The following HDAC8 variants were observed in gnomAD, a reference collection of about 807,000 sequenced individuals.
The protein encoded by HDAC8 is histone deacetylase 8.
Under a neutral mutation model 32.2 loss-of-function variants are expected in HDAC8, and 1 was observed. The ratio of observed to expected loss-of-function variants is 0.03; its 90% CI spans 0.01 to 0.15. The LOEUF is 0.15. Among genes scored for constraint, HDAC8 ranks in the 10% least tolerant of loss-of-function variants. HDAC8 has a pLI of 1.00. For synonymous variants in HDAC8, 108 were observed against 113.9 expected (o/e 0.95, Z 0.33); for missense variants, 117 against 300.0 (o/e 0.39, Z 4.51).
rs1444213713 is a variant in HDAC8 at position 72,413,614 on chromosome X, C to A, written c.1005+48390G>T. 8.1e-5 allele frequency among the ~76,000 whole-genome samples: 9 copies of A among 110,768 alleles called. No individual in the cohort carries two copies. In the East Asian group the frequency reaches 1.4e-3, roughly 18 times the overall value. The stretch of plus-strand genomic sequence containing the variant: ...TAATCCCCACGTGTAATGGGAGGGA[C>A]CTGGTGGGAGGTAATTGAATCATGG... On this transcript the variant is annotated intron_variant, in intron 9 of 10. Coordinates refer to ENST00000373573, the MANE Select transcript of HDAC8 (RefSeq NM_018486.3).
At chrX:72,487,731 T>TA (rs782775030) in intron 7 of HDAC8, among the ~76,000 whole-genome samples, 3,972 of 75,014 alleles carry the variant, frequency 0.053, 124 homozygotes, top group African/African-American at 0.11. Context: ...TCTGTTATGG[T>TA]AAAAAAAAAA....
intron 7 of HDAC8, chrX:72,467,594 C>T (rs1464373456): frequency 7.0e-6 from 1 of 142,919 alleles, no homozygotes; most frequent in Non-Finnish European, 1.3e-5. Flanking sequence ...CTATATATGC[C>T]CGGCAGGCTA....
At chrX:72,343,787 C>G (rs782158717) in intron 10 of HDAC8, among the ~76,000 whole-genome samples, 1 of 112,394 alleles carries the variant, frequency 8.9e-6, no homozygotes, top group East Asian at 2.8e-4. Context: ...ACTATCAGCC[C>G]ACATCACTGT....
At chrX:72,538,185 CTTTTTTTT>C (rs782378380) in intron 4 of HDAC8, among the ~76,000 whole-genome samples, 2 of 95,566 alleles carry the variant, frequency 2.1e-5, no homozygotes, top group Non-Finnish European at 4.3e-5. Context: ...TTTTGTTTTT[CTTTTTTTT>C]TTTTTTTGGA....
intron 9 of HDAC8, among the ~76,000 whole-genome samples, chrX:72,383,564 A>G (rs1454328325): frequency 8.9e-6 from 1 of 112,124 alleles, no homozygotes; most frequent in African/African-American, 3.2e-5. Context: ...TTGTGAATCC[A>G]CAGGCTTTAT....
chrX:72,544,088 G>C (rs1347907954), intron 4 of HDAC8, among the ~76,000 whole-genome samples: 1 of 112,348 alleles, frequency 8.9e-6, no homozygotes, highest in Non-Finnish European at 1.9e-5. Context: ...GGATGGGTGC[G>C]AGTATGCCCT....
At chrX:72,363,602 T>C (rs1488008475) in intron 9 of HDAC8, among the ~76,000 whole-genome samples, 1 of 110,781 alleles carries the variant, frequency 9.0e-6, no homozygotes, top group Non-Finnish European at 1.9e-5. Context: ...GATGGAGTCT[T>C]ACTCTGTCAC....
chrX:72,509,400 C>A (rs781949257), intron 4 of HDAC8, among the ~76,000 whole-genome samples: 20 of 111,589 alleles, frequency 1.8e-4, no homozygotes, highest in Non-Finnish European at 3.2e-4. Flanking sequence ...TTAGTCACCC[C>A]GCCCGGCCTC....
intron 4 of HDAC8, among the ~76,000 whole-genome samples, chrX:72,562,466 G>GA (rs1255571099): frequency 9.0e-6 from 1 of 111,539 alleles, no homozygotes; most frequent in African/African-American, 3.3e-5. Flanking sequence ...CATTCATGTG[G>GA]AAGATGAGCT....
chrX:72,570,674 A>ATAAAATC (rs1157583243), intron 2 of HDAC8, among the ~76,000 whole-genome samples: 1 of 110,884 alleles, frequency 9.0e-6, no homozygotes, highest in Admixed American at 9.5e-5. Context: ...AATAATAAGG[A>ATAAAATC]TAAAATCTGA....
rs1181735199 is a variant in HDAC8 at position 72,372,408 on chromosome X, A to C, written c.1006-20570T>G. On this transcript the variant is annotated intron_variant, in intron 9 of 10. Coordinates refer to ENST00000373573, the MANE Select transcript of HDAC8 (RefSeq NM_018486.3). ...TCAGGATAGAGAGTATGTCTTTTTT[A>C]TCTCTATATAGCACGGGGCCTAGAA... is the stretch of plus-strand genomic sequence containing the variant. Among the ~76,000 whole-genome samples the C allele has an allele frequency of 9.9e-5, 11 of 110,957 alleles. No homozygotes were observed. The Admixed American group carries it at 1.1e-3, about 11-fold the overall frequency.
intron 4 of HDAC8, among the ~76,000 whole-genome samples, chrX:72,525,638 C>T (rs2147385154): frequency 9.2e-6 from 1 of 108,192 alleles, no homozygotes; most frequent in South Asian, 4.2e-4. Context: ...ACGGTGAAAC[C>T]CCGTCACTAC....
chrX:72,444,172 C>T (rs1465215478), intron 9 of HDAC8, among the ~76,000 whole-genome samples: 1 of 101,842 alleles, frequency 9.8e-6, no homozygotes, highest in African/African-American at 3.7e-5. Flanking sequence ...GGGAATCCTC[C>T]CTAACTCATT....
At chrX:72,494,687 C>T (rs933051552) in intron 5 of HDAC8, among the ~76,000 whole-genome samples, 1 of 111,689 alleles carries the variant, frequency 9.0e-6, no homozygotes, top group African/African-American at 3.3e-5. Context: ...AATATTTTAG[C>T]AATACAAAGA....
rs782419329 is a variant in HDAC8, at chrX:72,446,679, G to C, written c.1005+15325C>G. Among the ~76,000 whole-genome samples the C allele has an allele frequency of 7.3e-5, 8 of 110,047 alleles. No individual in the cohort carries two copies. The East Asian group carries it at 2.3e-3, about 31-fold the overall frequency. On this transcript the variant is annotated intron_variant, in intron 9 of 10. Transcript: ENST00000373573. ...GTGCACATGTACCCTAAAACTTAAA[G>C]TTTAATAAAAAAGAGACTAATAAAG...
intron 9 of HDAC8, among the ~76,000 whole-genome samples, chrX:72,367,370 G>A (rs1485220515): frequency 8.9e-6 from 1 of 112,095 alleles, no homozygotes; most frequent in Non-Finnish European, 1.9e-5. Flanking sequence ...CAGGGGCCTG[G>A]TTTCCACCAA....
chrX:72,393,918 C>T (rs1246423654), intron 9 of HDAC8, among the ~76,000 whole-genome samples: 6 of 110,860 alleles, frequency 5.4e-5, no homozygotes, highest in Admixed American at 9.6e-5. Flanking sequence ...AGGTACTAAC[C>T]AGAGGTAGAA....
chrX:72,572,827 C>G lies in HDAC8; in HGVS notation c.-66G>C. On this transcript the variant is annotated 5_prime_UTR_variant, in exon 1 of 11. Transcript: ENST00000373573. The stretch of plus-strand genomic sequence containing the variant: ...GCTTTTTTCGGACTCGGCCAGGGTT[C>G]CAGTTCCTGCTCCTCTGATCGGCCG... 1.1e-6 allele frequency: 1 copy of G among 904,218 alleles called. No individual in the cohort carries two copies. Among genetic ancestry groups the G allele is most frequent in the Non-Finnish European group, 1.6e-6 (1 of 620,394 alleles). The allele number at this position is 904,218 out of a possible 1,213,427, so 74.5% of individuals were successfully genotyped here. A position where few individuals can be genotyped will look rare whatever the true frequency, so the allele number is the denominator to read the frequency against.
intron 9 of HDAC8, among the ~76,000 whole-genome samples, chrX:72,456,197 T>C (rs998369249): frequency 8.9e-6 from 1 of 112,042 alleles, no homozygotes; most frequent in Non-Finnish European, 1.9e-5. Flanking sequence ...GACATTTTTC[T>C]TAAGAAATTT....
Sources: allele counts gnomAD v4.1 joint callset (sites outside exome capture counted in the v4.1 genomes callset), GRCh38; gene constraint gnomAD v4.1.1; transcripts MANE v1.5; gene names NCBI Gene and HGNC (gene_info 2026-07-23, HGNC 2026-07-21).